The following CMKLR2 variants were observed in gnomAD, a reference collection of about 807,000 sequenced individuals.
CMKLR2 encodes chemerin-like receptor 2.
Under a neutral mutation model 23.0 loss-of-function variants are expected in CMKLR2, and 18 were observed. The observed-to-expected ratio is 0.78, with a 90% CI of 0.54 to 1.16. CMKLR2 has a LOEUF of 1.16. Among genes scored for constraint, CMKLR2 ranks in the 50% most tolerant of loss-of-function variants. CMKLR2 has a pLI of 0.00. For missense variants in CMKLR2, 401 were observed against 412.7 expected (o/e 0.97, Z 0.25); for synonymous variants, 158 against 158.9 (o/e 0.99, Z 0.05).
chr2:206,213,134 C>T (rs947348127), intron 1 of CMKLR2, among the ~76,000 whole-genome samples, 173 bp downstream of exon 1: 1 of 152,158 alleles, frequency 6.6e-6, no homozygotes, highest in Non-Finnish European at 1.5e-5. Flanking sequence ...TTGCCAAGAC[C>T]AAAAATATGA....
chr2:206,200,260 C>G (rs1433718216), intron 1 of CMKLR2, among the ~76,000 whole-genome samples: 1 of 152,046 alleles, frequency 6.6e-6, no homozygotes, highest in African/African-American at 2.4e-5. Flanking sequence ...CCCATCTCTA[C>G]TAAAAATACA....
At chr2:206,205,950 C>T (rs1236933903) in intron 1 of CMKLR2, among the ~76,000 whole-genome samples, 2 of 152,056 alleles carry the variant, frequency 1.3e-5, no homozygotes, top group African/African-American at 2.4e-5. Flanking sequence ...CTGCCCGCCT[C>T]GGCCTCCTAA....
intron 1 of CMKLR2, among the ~76,000 whole-genome samples, chr2:206,209,542 T>C (rs1348005127): frequency 6.6e-6 from 1 of 152,054 alleles, no homozygotes; most frequent in East Asian, 1.9e-4. Context: ...CCCCTAGCCC[T>C]CCCACATGCC....
At position 206,194,718 on chromosome 2, in the gene CMKLR2, G is replaced by A. The variant is rs1029631278; in HGVS notation, c.-28-17443C>T. Among the ~76,000 whole-genome samples, 42 of 145,268 alleles carry A rather than the reference G, an allele frequency of 2.9e-4. 1 individual carries two copies. Among genetic ancestry groups the A allele is most frequent in the Admixed American group, 9.0e-4 (13 of 14,402 alleles). ...CCCAAAGTGTTGGGATTACAGGCAT[G>A]AGCCACCACACTGGGCCATCATAGA... On this transcript the variant is annotated intron_variant, in intron 1 of 1. Transcript: ENST00000621141.
intron 1 of CMKLR2, among the ~76,000 whole-genome samples, chr2:206,184,560 G>T (rs936525762): frequency 2.6e-5 from 4 of 152,074 alleles, no homozygotes; most frequent in Non-Finnish European, 4.4e-5. Flanking sequence ...CTCCCAAAGT[G>T]CTGGGATTAC....
chr2:206,186,993 C>T (rs1410159994), intron 1 of CMKLR2, among the ~76,000 whole-genome samples: 4 of 151,916 alleles, frequency 2.6e-5, no homozygotes, highest in South Asian at 4.2e-4. Context: ...TTCAAGACCA[C>T]CCTGGGCAAC....
intron 1 of CMKLR2, among the ~76,000 whole-genome samples, chr2:206,179,642 T>G (rs1409347325): frequency 1.3e-5 from 2 of 152,136 alleles, no homozygotes; most frequent in African/African-American, 2.4e-5. Context: ...CTGCCTTTTT[T>G]CTTATCAAGA....
At position 206,194,552 on chromosome 2, in the gene CMKLR2, G is replaced by A. The variant is rs1417539218; in HGVS notation, c.-28-17277C>T. Among the ~76,000 whole-genome samples the A allele has an allele frequency of 2.1e-5, 3 of 144,688 alleles. No individual in the cohort carries two copies. In the Admixed American group the frequency reaches 2.2e-4, roughly 11 times the overall value. 94.9% of individuals were successfully genotyped at this position (144,688 alleles called of 152,430 possible). A position where few individuals can be genotyped will look rare whatever the true frequency, so the allele number is the denominator to read the frequency against. On this transcript the variant is annotated intron_variant, in intron 1 of 1. Transcript: ENST00000621141. ...GGCTCACTGCAACCTCTACCTCCCAGGTCCAAGCAGTTCTCATGCCTCAGT... is the reference window on the plus strand; with the variant it reads ...GGCTCACTGCAACCTCTACCTCCCAAGTCCAAGCAGTTCTCATGCCTCAGT...
chr2:206,177,940 G>T (rs1490338034), intron 1 of CMKLR2, among the ~76,000 whole-genome samples: 1 of 152,114 alleles, frequency 6.6e-6, no homozygotes, highest in African/African-American at 2.4e-5. Context: ...TATGGCAGAT[G>T]CAAAAGAAAA....
At chr2:206,208,207 C>T (rs1028898658) in intron 1 of CMKLR2, among the ~76,000 whole-genome samples, 4 of 152,090 alleles carry the variant, frequency 2.6e-5, no homozygotes, top group Non-Finnish European at 5.9e-5. Context: ...ATGAATGTCT[C>T]GTGAAAGAAG....
At chr2:206,179,199 C>G (rs11674218) in intron 1 of CMKLR2, among the ~76,000 whole-genome samples, 2 of 141,506 alleles carry the variant, frequency 1.4e-5, no homozygotes, top group East Asian at 2.1e-4. Flanking sequence ...CTCAGCCTCC[C>G]GAGTAGCTGG....
rs766309138 is a variant in CMKLR2, at chr2:206,176,808, C to T, written c.440G>A (p.Arg147Gln). The T allele has an allele frequency of 2.2e-5, 35 of 1,613,894 alleles. No homozygotes were observed. The highest frequency in any genetic ancestry group is 4.5e-5 in the East Asian group (2 of 44,890). ...IHLIHPVLSH[R>Q]HRTLKNSLIV... The stretch of plus-strand genomic sequence containing the variant: ...CAGAGAGTTCTTGAGGGTTCGATGC[C>T]GATGAGATAAGACAGGATGGATCAA... The change falls in exon 2 of 2, where the codon CGG (arginine) becomes CAG (glutamine). Residue 147 changes from arginine to glutamine, a missense_variant. By Grantham distance (43) the Arg-to-Gln change is conservative. Coordinates refer to ENST00000621141, the MANE Select transcript of CMKLR2 (RefSeq NM_001389445.1).
intron 1 of CMKLR2, among the ~76,000 whole-genome samples, chr2:206,192,625 T>A (rs1688790930): frequency 6.9e-6 from 1 of 145,606 alleles, no homozygotes; most frequent in Admixed American, 6.9e-5. Flanking sequence ...GCTCTACCAC[T>A]TTTTTTTTTT....
At chr2:206,216,469 A>ACAGGGTCT (rs1451021383), upstream of CMKLR2, among the ~76,000 whole-genome samples, 1 of 152,048 alleles carries the variant, frequency 6.6e-6, no homozygotes, top group Non-Finnish European at 1.5e-5. Context: ...AAAAATAGAG[A>ACAGGGTCT]CAGGGTCTCA....
At chr2:206,189,366 G>A (rs1392341539) in intron 1 of CMKLR2, among the ~76,000 whole-genome samples, 1 of 152,204 alleles carries the variant, frequency 6.6e-6, no homozygotes, top group Non-Finnish European at 1.5e-5. Flanking sequence ...AGGGAGCGGT[G>A]GCTCACGCCT....
At chr2:206,178,357 C>T (rs988985058) in intron 1 of CMKLR2, among the ~76,000 whole-genome samples, 6 of 152,156 alleles carry the variant, frequency 3.9e-5, no homozygotes, top group Admixed American at 1.3e-4. Flanking sequence ...TAGACCAATC[C>T]ATCTGGATGT....
intron 1 of CMKLR2, among the ~76,000 whole-genome samples, chr2:206,201,386 T>A (rs1689090813): frequency 1.3e-5 from 2 of 152,240 alleles, no homozygotes; most frequent in African/African-American, 4.8e-5. Flanking sequence ...ATGGATTTCA[T>A]AATTCTACAT....
chr2:206,204,730 G>A (rs1037909589), intron 1 of CMKLR2, among the ~76,000 whole-genome samples: 2 of 151,828 alleles, frequency 1.3e-5, no homozygotes, highest in Non-Finnish European at 2.9e-5. Flanking sequence ...CGGTTTGTGG[G>A]TACTTTTGAT....
intron 1 of CMKLR2, chr2:206,203,888 G>T (rs958752229): frequency 7.9e-5 from 12 of 152,320 alleles, no homozygotes; most frequent in African/African-American, 2.6e-4. Flanking sequence ...CATTGATCAA[G>T]CTTACCATAT....
Sources: allele counts gnomAD v4.1 joint callset (sites outside exome capture counted in the v4.1 genomes callset), GRCh38; gene constraint gnomAD v4.1.1; transcripts MANE v1.5; gene names NCBI Gene and HGNC (gene_info 2026-07-23, HGNC 2026-07-21).